The following ECEL1 variants were observed in gnomAD, a reference collection of about 807,000 sequenced individuals.
The protein encoded by ECEL1 is endothelin-converting enzyme-like 1.
In ECEL1, 87 loss-of-function variants were observed where a neutral mutation model predicts 101.8. The observed-to-expected ratio is 0.85, with a 90% CI of 0.72 to 1.02. The LOEUF (loss-of-function observed/expected upper bound fraction) is 1.02, where lower values mean the gene tolerates loss of function less well. ECEL1 is among the 50% of genes least tolerant of loss of function. The pLI is 0.00. For missense variants in ECEL1, 1,032 were observed against 1,079.2 expected, an observed-to-expected ratio of 0.96 and a Z score of 0.61; for synonymous variants, 487 against 468.7, an observed-to-expected ratio of 1.04 and a Z score of -0.50.
intron 1 of ECEL1, 131 bp from the exon 2 acceptor site, chr2:232,486,885 CTA>C (rs1399352187): frequency 7.8e-6 from 3 of 384,636 alleles, no homozygotes; most frequent in Non-Finnish European, 1.3e-5. Context: ...AAACCAGGGA[CTA>C]TGAGGGTTCG....
chr2:232,482,547 T>C lies in ECEL1; in HGVS notation c.1744+3A>G. ...CGCCCGGCGTAGGGACACATCCCCT[T>C]ACCCATCTGGTTCTTGTTGGGTAGA... On this transcript the variant is annotated splice_donor_region_variant and intron_variant, in intron 11 of 17. Transcript: ENST00000304546. The C allele has an allele frequency of 6.2e-7, 1 of 1,613,934 alleles. No individual in the cohort carries two copies. Among genetic ancestry groups the C allele is most frequent in the Non-Finnish European group, 8.5e-7 (1 of 1,179,994 alleles).
intron 1 of ECEL1, among the ~76,000 whole-genome samples, chr2:232,487,398 G>T (rs12994747): frequency 2.0e-5 from 3 of 152,072 alleles, no homozygotes; most frequent in Non-Finnish European, 4.4e-5. Flanking sequence ...AACCCGAGAC[G>T]GGTTCCCTCC....
rs372459067 is a variant in ECEL1 at position 232,482,415 on chromosome 2, C to T, written c.1796+3G>A. 32 of 1,613,762 alleles carry T rather than the reference C, an allele frequency of 2.0e-5. No individual in the cohort carries two copies. In the African/African-American group the frequency reaches 3.6e-4, roughly 18 times the overall value. ...CCACAAACAGGGCAAGCTATGTACT[C>T]ACTGTGGGAAGTCAGGGTCGTACAG... On this transcript the variant is annotated splice_donor_region_variant and intron_variant, in intron 12 of 17. Transcript: ENST00000304546.
chr2:232,482,595 G>T lies in ECEL1; in HGVS notation c.1699C>A (p.Pro567Thr). 1 of 1,612,624 alleles carries T rather than the reference G, an allele frequency of 6.2e-7. No homozygotes were observed. Among genetic ancestry groups the T allele is most frequent in the Non-Finnish European group, 8.5e-7 (1 of 1,179,408 alleles). Residue 567 changes from proline (P) to threonine (T), a missense_variant, in exon 11 of 18, where the codon CCA (proline) becomes ACA (threonine). Pro to Thr is a conservative substitution (Grantham distance 38). Transcript: ENST00000304546. ...EVDKSTWLLP[P>T]QALNAYYLPN... ...AGATAGTAGGCATTGAGCGCCTGTG[G>T]GGGGAGCAGCCACCTGTGGAGGGAT...
At chr2:232,482,683 C>T in intron 10 of ECEL1, 75 bp from the exon 11 acceptor site, 9 of 1,549,124 alleles carry the variant, frequency 5.8e-6, no homozygotes, top group Non-Finnish European at 7.9e-6. Context: ...GCTTCCTCGT[C>T]AGCCATCTCC....
chr2:232,484,476 G>T lies in ECEL1; in HGVS notation c.1180C>A (p.His394Asn). The change falls in exon 6 of 18, where the codon CAC becomes AAC. Residue 394 changes from histidine to asparagine, a missense_variant. Physicochemically the swap from His to Asn is moderately conservative, Grantham distance 68. Coordinates refer to ENST00000304546, the MANE Select transcript of ECEL1 (RefSeq NM_004826.4). The part of the protein sequence containing the change: ...QVSQLIRSTP[H>N]RVLHNYLVWR... ...ATGCCAGATCTGCAGCCATACCGGT[G>T]GGGTGTGGAGCGGATGAGCTGCGAC... 1 of 1,613,710 alleles carries T rather than the reference G, an allele frequency of 6.2e-7. No individual in the cohort carries two copies. The highest frequency in any genetic ancestry group is 1.3e-5 in the African/African-American group (1 of 75,042).
In ECEL1 at chr2:232,486,260, C is replaced by T. The variant is rs770088768; in HGVS notation, c.394G>A (p.Gly132Ser). ...ATGGCGTGGCGCCGCAGCCAACCGC[C>T]GCAGGCGAACGAGTAGAAGTCCTGG... ...PCQDFYSFAC[G>S]GWLRRHAIPD... Residue 132 changes from glycine to serine, a missense_variant, in exon 2 of 18, where the codon GGC (glycine) becomes AGC (serine). By Grantham distance (56) the Gly-to-Ser change is moderately conservative. Transcript: ENST00000304546. The T allele has an allele frequency of 2.2e-5, 35 of 1,600,914 alleles. No homozygotes were observed. The African/African-American group carries it at 3.1e-4, about 14-fold the overall frequency.
chr2:232,486,092 G>A lies in ECEL1; in HGVS notation c.562C>T (p.Leu188Phe), dbSNP rs781380112. Residue 188 changes from leucine (L) to phenylalanine (F), a missense_variant, in exon 2 of 18, where the codon CTC (leucine) becomes TTC (phenylalanine). Coordinates refer to ENST00000304546, the MANE Select transcript of ECEL1 (RefSeq NM_004826.4). ...RKVRAFFRSC[L>F]DMREIERLGP... ...AGTCGCTCGATCTCGCGCATGTCGA[G>A]GCACGAGCGGAAGAAGGCGCGCACC... The A allele has an allele frequency of 2.0e-5, 32 of 1,596,718 alleles. No individual in the cohort carries two copies. The South Asian group carries it at 3.5e-4, about 17-fold the overall frequency.
chr2:232,482,942 C>T lies in ECEL1; in HGVS notation c.1594G>A (p.Glu532Lys). The change falls in exon 10 of 18, where the codon GAG (glutamate) becomes AAG (lysine). Residue 532 changes from glutamate (E) to lysine (K), a missense_variant. By Grantham distance (56) the Glu-to-Lys change is moderately conservative. Transcript: ENST00000304546. The part of the protein sequence containing the change: ...VDKEYEFEVH[E>K]KTYFKNILNS... ...AAGATGTTCTTGAAGTAGGTCTTCT[C>T]ATGGACCTCAAACTGCAGGAGGCAC... is the stretch of plus-strand genomic sequence containing the variant. 6.2e-7 allele frequency: 1 copy of T among 1,614,142 alleles called. No individual in the cohort carries two copies. The highest frequency in any genetic ancestry group is 8.5e-7 in the Non-Finnish European group (1 of 1,180,036).
intron 6 of ECEL1, 21 bp from the exon 7 acceptor site, chr2:232,484,244 G>A (rs1690662274): frequency 6.2e-7 from 1 of 1,602,296 alleles, no homozygotes; most frequent in Non-Finnish European, 8.5e-7. Flanking sequence ...GGTGAAGCCA[G>A]TGGGTGTCCA....
Position 232,480,434 on chromosome 2 carries a change from C to T in ECEL1, c.2193G>A (p.Gln731=), listed in dbSNP as rs766592853. The change falls in exon 17 of 18, where the codon CAG becomes CAA. Residue 731 remains glutamine (Q), a synonymous_variant. Coordinates refer to ENST00000304546, the MANE Select transcript of ECEL1 (RefSeq NM_004826.4). ...CAGGGGCATGCTTGTCAGTCAGCAC[C>T]TGCAGGTAGATGGACTGCGACCGCC... ...IKRRSQSIYL[Q]VLTDKHAPEH... The T allele has an allele frequency of 1.9e-6, 3 of 1,614,024 alleles. No individual in the cohort carries two copies. Among genetic ancestry groups the T allele is most frequent in the Non-Finnish European group, 2.5e-6 (3 of 1,180,002 alleles).
intron 8 of ECEL1, 111 bp from the exon 9 acceptor site, chr2:232,483,290 A>G (rs1690632543): frequency 6.8e-7 from 1 of 1,464,894 alleles, no homozygotes; most frequent in African/African-American, 1.4e-5. Context: ...AGTGGGCTTC[A>G]CAGTGGGGGA....
At chr2:232,480,550 C>T (rs1690551657) in intron 16 of ECEL1, 75 bp from the exon 17 acceptor site, 3 of 1,583,390 alleles carry the variant, frequency 1.9e-6, no homozygotes, top group Non-Finnish European at 2.6e-6. Context: ...CCCCACCCAG[C>T]ACACAAGGCG....
Position 232,486,059 on chromosome 2 carries a change from G to A in ECEL1, c.595C>T (p.Arg199Ter), listed in dbSNP as rs1302957347. 2 of 1,606,962 alleles carry A rather than the reference G, an allele frequency of 1.2e-6. No homozygotes were observed. Residue 199 changes from arginine to a stop codon, truncating the protein, a stop_gained, in exon 2 of 18, where the codon CGA (arginine) becomes TGA (stop). Coordinates refer to ENST00000304546, the MANE Select transcript of ECEL1 (RefSeq NM_004826.4). LOFTEE classifies it high-confidence loss of function. ...TCCTCGATGACCTCTAGCATGGGTCGCGGGCCCAGTCGCTCGATCTCGCGC... is the reference window on the plus strand; with the variant it reads ...TCCTCGATGACCTCTAGCATGGGTCACGGGCCCAGTCGCTCGATCTCGCGC... ...DMREIERLGPRPMLEVIEDCG... is the reference protein window; with the variant it reads ...DMREIERLGP
At position 232,481,615 on chromosome 2, in the gene ECEL1, C is replaced by G. The variant is rs145010012; in HGVS notation, c.1880G>C (p.Arg627Pro). 1.9e-6 allele frequency: 3 copies of G among 1,613,698 alleles called. No individual in the cohort carries two copies. The highest frequency in any genetic ancestry group is 1.7e-6 in the Non-Finnish European group (2 of 1,180,008). ...GYDDWGGQYDRSGNLLHWWTE... is the reference protein window; with the variant it reads ...GYDDWGGQYDPSGNLLHWWTE... ...CCACCAGTGCAGCAGGTTCCCTGAG[C>G]GGTCATACTGGCCCCCTGTGGGCAG... is the stretch of plus-strand genomic sequence containing the variant. Residue 627 changes from arginine (R) to proline (P), a missense_variant, in exon 14 of 18, where the codon CGC becomes CCC. By Grantham distance (103) the Arg-to-Pro change is moderately radical. Transcript: ENST00000304546.
At chr2:232,487,153 C>T (rs991869252) in intron 1 of ECEL1, among the ~76,000 whole-genome samples, 7 of 152,184 alleles carry the variant, frequency 4.6e-5, no homozygotes, top group Non-Finnish European at 7.4e-5. Flanking sequence ...CGGTCAGGGG[C>T]GCGTCTATGC....
chr2:232,481,923 G>T (rs1690590062), intron 12 of ECEL1, 74 bp from the exon 13 acceptor site: 2 of 1,595,648 alleles, frequency 1.3e-6, no homozygotes, highest in African/African-American at 1.3e-5. Flanking sequence ...CCAGGCCCCA[G>T]ATGTCCCCTG....
chr2:232,485,120 G>A (rs370637272), intron 3 of ECEL1, 29 bp from the exon 4 acceptor site: 19 of 1,611,340 alleles, frequency 1.2e-5, no homozygotes, highest in Middle Eastern at 3.3e-4. Flanking sequence ...CTCACCCAGG[G>A]ACAGGGACAG....
Position 232,486,544 on chromosome 2 carries a change from A to G in ECEL1, c.110T>C (p.Phe37Ser). Residue 37 changes from phenylalanine to serine, a missense_variant, in exon 2 of 18, where the codon TTC (phenylalanine) becomes TCC (serine). Physicochemically the swap from Phe to Ser is radical, Grantham distance 155 (BLOSUM62 -2). Transcript: ENST00000304546. ...GARGASLPPG[F>S]PLGAARSATG... is the part of the protein sequence containing the mutation. Reference sequence around the variant, plus strand: ...GGCGCTGCGCGCAGCGCCCAACGGGAAGCCCGGGGGCAGGGAGGCCCCGCG... The same window carrying G: ...GGCGCTGCGCGCAGCGCCCAACGGGGAGCCCGGGGGCAGGGAGGCCCCGCG... 1 of 1,341,890 alleles carries G rather than the reference A, an allele frequency of 7.5e-7. No individual in the cohort carries two copies. The highest frequency in any genetic ancestry group is 1.9e-5 in the South Asian group (1 of 51,830). The allele number at this position is 1,341,890 out of a possible 1,614,324, so 83.1% of individuals were successfully genotyped here.
Sources: allele counts gnomAD v4.1 joint callset (sites outside exome capture counted in the v4.1 genomes callset), GRCh38; gene constraint gnomAD v4.1.1; transcripts MANE v1.5; gene names NCBI Gene and HGNC (gene_info 2026-07-23, HGNC 2026-07-21).